The following ATP8A1 variants were observed in gnomAD, a reference collection of about 807,000 sequenced individuals.
The protein encoded by ATP8A1 is ATPase phospholipid transporting 8A1, also known as phospholipid-transporting ATPase IA.
ATP8A1 carries 90 observed loss-of-function variants against 177.7 expected under a neutral mutation model. The ratio of observed to expected loss-of-function variants is 0.51; its 90% CI spans 0.43 to 0.60. The LOEUF (loss-of-function observed/expected upper bound fraction) is 0.60. ATP8A1 is among the 20% of genes least tolerant of loss of function. ATP8A1 has a pLI of 0.00. For missense variants in ATP8A1, 1,072 were observed against 1,392.8 expected (o/e 0.77, Z 3.67); for synonymous variants, 493 against 485.9 (o/e 1.01, Z -0.19).
intron 17 of ATP8A1, 126 bp from the exon 18 acceptor site, chr4:42,551,406 T>C: frequency 1.6e-6 from 1 of 639,824 alleles, no homozygotes; most frequent in South Asian, 2.1e-5. Flanking sequence ...TGGCTCATGT[T>C]ATTAATCCAA....
chr4:42,532,479 CA>C (rs1205411363), intron 20 of ATP8A1, among the ~76,000 whole-genome samples: 5 of 144,916 alleles, frequency 3.5e-5, no homozygotes, highest in Non-Finnish European at 4.6e-5. Flanking sequence ...AACTCCATCT[CA>C]AAAAAAAAAT....
chr4:42,632,896 T>C (rs768002436), intron 1 of ATP8A1, among the ~76,000 whole-genome samples: 2 of 152,218 alleles, frequency 1.3e-5, no homozygotes, highest in Non-Finnish European at 2.9e-5. Flanking sequence ...AGGCTAATAA[T>C]CTGACAGTTA....
chr4:42,551,858 T>C (rs1288630306), intron 17 of ATP8A1, among the ~76,000 whole-genome samples: 1 of 152,192 alleles, frequency 6.6e-6, no homozygotes, highest in Non-Finnish European at 1.5e-5. Context: ...AGGAAGTTAG[T>C]ATATCCTATA....
intron 6 of ATP8A1, among the ~76,000 whole-genome samples, chr4:42,596,512 C>T (rs1404362102): frequency 6.6e-6 from 1 of 151,550 alleles, no homozygotes; most frequent in East Asian, 1.9e-4. Context: ...TCTACCAATA[C>T]AAAAATTAGC....
In ATP8A1 at chr4:42,590,887, A is replaced by G; in HGVS notation, c.451-3T>C. 1 of 1,609,948 alleles carries G rather than the reference A, an allele frequency of 6.2e-7. No individual in the cohort carries two copies. Among genetic ancestry groups the G allele is most frequent in the Non-Finnish European group, 8.5e-7 (1 of 1,178,320 alleles). The stretch of plus-strand genomic sequence containing the variant: ...TTCACTATCTCCCCTACTGCCACCT[A>G]CACGTCCCAGTATAAAATAATTAAA... On this transcript the variant is annotated splice_polypyrimidine_tract_variant and splice_region_variant and intron_variant, in intron 6 of 36. Transcript: ENST00000381668.
chr4:42,635,410 A>G (rs1739171398), intron 1 of ATP8A1, among the ~76,000 whole-genome samples: 1 of 152,082 alleles, frequency 6.6e-6, no homozygotes, highest in African/African-American at 2.4e-5. Flanking sequence ...CTTTCACTCA[A>G]TGGTTTCCAA....
Position 42,623,916 on chromosome 4 carries a change from C to A in ATP8A1, c.363+620G>T, listed in dbSNP as rs181344201. The stretch of plus-strand genomic sequence containing the variant: ...GTAGTTTAAAAGAACAGGAAAAAAA[C>A]CAAACCAAAACAAAACATTGGTTTC... On this transcript the variant is annotated intron_variant, in intron 4 of 36. Coordinates refer to ENST00000381668, the MANE Select transcript of ATP8A1 (RefSeq NM_006095.2). Among the ~76,000 whole-genome samples the A allele has an allele frequency of 2.0e-4, 30 of 152,056 alleles. No individual in the cohort carries two copies. The East Asian group carries it at 4.2e-3, about 22-fold the overall frequency.
At chr4:42,636,152 A>ACGCGCGCGCGCGTGCGCG (rs1276251388) in intron 1 of ATP8A1, among the ~76,000 whole-genome samples, 6 of 33,772 alleles carry the variant, frequency 1.8e-4, no homozygotes, top group South Asian at 1.0e-3. Context: ...ACACACACAC[A>ACGCGCGCGCGCGTGCGCG]CACACGCACA....
Position 42,437,047 on chromosome 4 carries a change from A to T in ATP8A1, c.3123+6518T>A, listed in dbSNP as rs1371352077. Among the ~76,000 whole-genome samples, 3 of 152,372 alleles carry T rather than the reference A, an allele frequency of 2.0e-5. No individual in the cohort carries two copies. In the South Asian group the frequency reaches 6.2e-4, roughly 32 times the overall value. ...CAAGAGATCTGAAATTCTGTAAAAC[A>T]CATGCTCGTTCCTTAACTTCAATTT... On this transcript the variant is annotated intron_variant, in intron 33 of 36. Transcript: ENST00000381668.
chr4:42,426,824 G>A (rs145875750), intron 33 of ATP8A1, among the ~76,000 whole-genome samples: 187 of 152,156 alleles, frequency 1.2e-3, no homozygotes, highest in Admixed American at 7.8e-3. Context: ...TTTTTAAAAC[G>A]CAATGATGAA....
At chr4:42,573,087 A>T (rs1385346627) in intron 14 of ATP8A1, among the ~76,000 whole-genome samples, 1 of 152,208 alleles carries the variant, frequency 6.6e-6, no homozygotes, top group African/African-American at 2.4e-5. Flanking sequence ...CAAGAATAAG[A>T]AAAAACCTGA....
intron 20 of ATP8A1, among the ~76,000 whole-genome samples, chr4:42,531,817 T>TA (rs1384539780): frequency 6.6e-6 from 1 of 151,958 alleles, no homozygotes; most frequent in Non-Finnish European, 1.5e-5. Flanking sequence ...ACAACAGTCA[T>TA]AAAAAACATA....
chr4:42,467,499 C>T (rs996338187), intron 25 of ATP8A1, among the ~76,000 whole-genome samples: 8 of 152,118 alleles, frequency 5.3e-5, no homozygotes, highest in African/African-American at 1.9e-4. Context: ...CGAGACCAGC[C>T]TGGGCAACAT....
At chr4:42,656,675 G>A in intron 1 of ATP8A1, 150 bp downstream of exon 1, 1 of 863,704 alleles carries the variant, frequency 1.2e-6, no homozygotes. Flanking sequence ...GGGCAGCGCG[G>A]GGGGAAGGGT....
In ATP8A1 at chr4:42,574,689, C is replaced by A; in HGVS notation, c.1225G>T (p.Asp409Tyr). Residue 409 changes from aspartate to tyrosine, a missense_variant, in exon 14 of 37, where the codon GAC (aspartate) becomes TAC (tyrosine). By Grantham distance (160) the Asp-to-Tyr change is radical. Transcript: ENST00000381668. The part of the protein sequence containing the change: ...ELGQVKYIFS[D>Y]KTGTLTCNVM... ...TTGCATGTCAGAGTACCAGTTTTGT[C>A]AGAAAATATGTATTTAACCTAAAAA... The A allele has an allele frequency of 1.2e-6, 2 of 1,605,610 alleles. No homozygotes were observed. Among genetic ancestry groups the A allele is most frequent in the Non-Finnish European group, 1.7e-6 (2 of 1,177,622 alleles).
intron 19 of ATP8A1, among the ~76,000 whole-genome samples, chr4:42,545,588 C>T (rs891756640): frequency 6.6e-6 from 1 of 152,212 alleles, no homozygotes; most frequent in Non-Finnish European, 1.5e-5. Context: ...TGCAGGGCTA[C>T]AGCACACCTT....
intron 23 of ATP8A1, among the ~76,000 whole-genome samples, chr4:42,505,925 A>AC (rs1724313901): frequency 1.3e-5 from 2 of 151,966 alleles, no homozygotes; most frequent in Admixed American, 1.3e-4. Context: ...TGGTGAAAAA[A>AC]CTTTTTTTTT....
intron 4 of ATP8A1, among the ~76,000 whole-genome samples, chr4:42,623,482 G>A (rs770664534): frequency 5.9e-5 from 9 of 152,012 alleles, no homozygotes; most frequent in South Asian, 2.1e-4. Flanking sequence ...AACAAAACGC[G>A]GTACATATAC....
At chr4:42,521,000 A>C (rs931620086) in intron 22 of ATP8A1, among the ~76,000 whole-genome samples, 1 of 152,092 alleles carries the variant, frequency 6.6e-6, no homozygotes, top group Non-Finnish European at 1.5e-5. Flanking sequence ...AAGGGAGGGG[A>C]CGTGAGGAGC....
Sources: gnomAD v4.1 joint callset for allele counts (sites outside exome capture counted in the v4.1 genomes callset) on GRCh38, gnomAD v4.1.1 for gene constraint, MANE v1.5 for transcripts, NCBI Gene and HGNC (gene_info 2026-07-23, HGNC 2026-07-21) for gene names.